HTR3E: variants seen among roughly 807,000 people sequenced by gnomAD.
HTR3E encodes the protein 5-hydroxytryptamine (serotonin) receptor 3, family member E.
Under a neutral mutation model 38.0 loss-of-function variants are expected in HTR3E, and 38 were observed. The observed-to-expected ratio is 1.00, with a 90% confidence interval of 0.77 to 1.31. The LOEUF is 1.31. Ranked by LOEUF, HTR3E falls within the 50% of genes most tolerant of loss-of-function variation. The pLI is 0.00. For synonymous variants in HTR3E, 210 were observed against 232.9 expected (o/e 0.90, Z 0.89); for missense variants, 547 against 585.2 (o/e 0.93, Z 0.67).
At chr3:184,099,583 G>A (rs1392167026) in intron 1 of HTR3E, among the ~76,000 whole-genome samples, 10 of 150,712 alleles carry the variant, frequency 6.6e-5, no homozygotes, top group Admixed American at 2.6e-4. Flanking sequence ...GCGCGGTGGC[G>A]GGCGCCTGTA....
chr3:184,106,946 A>G lies in HTR3E; in HGVS notation c.*253A>G, dbSNP rs1712504132. 1 of 481,424 alleles carries G rather than the reference A, an allele frequency of 2.1e-6. No homozygotes were observed. Among genetic ancestry groups the G allele is most frequent in the African/African-American group, 2.0e-5 (1 of 51,124 alleles). The allele number at this position is 481,424 out of a possible 1,614,324, so 29.8% of individuals were successfully genotyped here. On this transcript the variant is annotated 3_prime_UTR_variant, in exon 9 of 9. Transcript: ENST00000415389. The surrounding 1 kb of genome is among the most constrained non-coding windows in gnomAD (Gnocchi z 4.1). ...CCCTCTTACGTCATCTGCATAGCAG[A>G]CTATACCTCTTCTGTCCGCTGACTT...
Position 184,106,820 on chromosome 3 carries a change from T to C in HTR3E, c.*127T>C, listed in dbSNP as rs1306829274. 2.1e-6 allele frequency: 2 copies of C among 944,554 alleles called. No homozygotes were observed. The highest frequency in any genetic ancestry group is 1.6e-6 in the Non-Finnish European group (1 of 621,430). The allele number at this position is 944,554 out of a possible 1,614,324, so 58.5% of individuals were successfully genotyped here. A position where few individuals can be genotyped will look rare whatever the true frequency, so the allele number is the denominator to read the frequency against. On this transcript the variant is annotated 3_prime_UTR_variant, in exon 9 of 9. Transcript: ENST00000415389. The surrounding 1 kb of genome is among the most constrained non-coding windows in gnomAD (Gnocchi z 4.1). ...ATGACTGAGTCTCTGCTGTATTCCATGTATCCCAATCCGGTCCTGCTGATC... is the reference window on the plus strand; with the variant it reads ...ATGACTGAGTCTCTGCTGTATTCCACGTATCCCAATCCGGTCCTGCTGATC...
chr3:184,097,092 C>T lies in HTR3E; in HGVS notation c.-438C>T, dbSNP rs937263066. The T allele has an allele frequency of 6.5e-6, 1 of 154,224 alleles. No individual in the cohort carries two copies. The highest frequency in any genetic ancestry group is 1.4e-5 in the Non-Finnish European group (1 of 69,522). The allele number at this position is 154,224 out of a possible 1,614,324, so 9.6% of individuals were successfully genotyped here. A position where few individuals can be genotyped will look rare whatever the true frequency, so the allele number is the denominator to read the frequency against. ...AAATAACAAATTGTGTTTATTTAAG[C>T]CACTGGGTTTGTGATTTGTTACAAC... On this transcript the variant is annotated 5_prime_UTR_variant, in exon 1 of 9. Transcript: ENST00000415389.
At chr3:184,103,279 C>T (rs569106472) in intron 3 of HTR3E, among the ~76,000 whole-genome samples, 87 of 151,888 alleles carry the variant, frequency 5.7e-4, no homozygotes, top group African/African-American at 2.1e-3. Flanking sequence ...GTCAGGAGTT[C>T]GAGACCAGCC....
chr3:184,101,492 A>C lies in HTR3E; in HGVS notation c.242A>C (p.Gln81Pro), dbSNP rs765323389. ...AGGAAATTCTTTTGGCAGAATGAAC[A>C]GCTGCACCTCTTGTCATCATTCCTG... is the stretch of plus-strand genomic sequence containing the variant. ...AMSAILDVNE[Q>P]LHLLSSFLWL... The change falls in exon 3 of 9, where the codon CAG becomes CCG. Residue 81 changes from glutamine to proline, a missense_variant. Transcript: ENST00000415389. The C allele has an allele frequency of 8.1e-6, 13 of 1,613,822 alleles. No individual in the cohort carries two copies. The highest frequency in any genetic ancestry group is 1.6e-4 in the Middle Eastern group (1 of 6,084).
chr3:184,100,088 G>C (rs1370790097), intron 1 of HTR3E: 1 of 1,200,158 alleles, frequency 8.3e-7, no homozygotes, highest in African/African-American at 1.6e-5. Flanking sequence ...GAAGAGCCCA[G>C]CGTCTGGACC....
chr3:184,105,200 AAG>A, intron 5 of HTR3E, 65 bp from the exon 6 acceptor site: 1 of 1,492,758 alleles, frequency 6.7e-7, no homozygotes. Flanking sequence ...AGGATGGAAA[AAG>A]AGTGCAGTTG....
intron 1 of HTR3E, chr3:184,100,212 C>A: frequency 7.1e-7 from 1 of 1,401,514 alleles, no homozygotes; most frequent in Non-Finnish European, 9.4e-7. Context: ...TATTGGCTGT[C>A]TGACTGTAGG....
chr3:184,104,432 G>T, intron 4 of HTR3E, 141 bp downstream of exon 4: 2 of 1,333,576 alleles, frequency 1.5e-6, no homozygotes, highest in South Asian at 1.6e-5. Context: ...TGAGCCAGGC[G>T]CAGTGGCTAA....
At chr3:184,105,180 G>A (rs907396865) in intron 5 of HTR3E, 87 bp from the exon 6 acceptor site, 11 of 1,424,066 alleles carry the variant, frequency 7.7e-6, no homozygotes, top group African/African-American at 5.7e-5. Context: ...AAAAATATTT[G>A]TTGAAAGAAA....
At chr3:184,098,054 C>A (rs763960963) in intron 1 of HTR3E, among the ~76,000 whole-genome samples, 49 of 152,320 alleles carry the variant, frequency 3.2e-4, no homozygotes, top group Non-Finnish European at 5.6e-4. Context: ...AAAGTGCCCA[C>A]CTCCTTTAGC....
At position 184,106,044 on chromosome 3, in the gene HTR3E, G is replaced by A; in HGVS notation, c.925+75G>A. The A allele has an allele frequency of 6.2e-7, 1 of 1,609,498 alleles. No individual in the cohort carries two copies. The highest frequency in any genetic ancestry group is 8.5e-7 in the Non-Finnish European group (1 of 1,176,546). On this transcript the variant is annotated intron_variant, in intron 7 of 8. Transcript: ENST00000415389. This position sits in a 1 kb window ranked among gnomAD's most constrained non-coding sequence, Gnocchi z 4.1. ...AAGGGAGGTATTTTGGAAAAAGGAGGCCGTATGCCTGCCAGGGTGGGATTG... is the reference window on the plus strand; with the variant it reads ...AAGGGAGGTATTTTGGAAAAAGGAGACCGTATGCCTGCCAGGGTGGGATTG...
At chr3:184,101,208 A>AT (rs1308864038) in intron 2 of HTR3E, among the ~76,000 whole-genome samples, 7 of 152,050 alleles carry the variant, frequency 4.6e-5, no homozygotes, top group African/African-American at 1.7e-4. Context: ...CCTCCCAGGC[A>AT]TTACAGGCAT....
chr3:184,102,545 G>C (rs1378544581), intron 3 of HTR3E, among the ~76,000 whole-genome samples: 2 of 151,302 alleles, frequency 1.3e-5, no homozygotes, highest in Non-Finnish European at 2.9e-5. Context: ...ATGAGTTAAT[G>C]GGTGCAGCAC....
rs375529353 is a variant in HTR3E at position 184,105,815 on chromosome 3, C to T, written c.771C>T (p.Pro257=). 2 of 1,614,056 alleles carry T rather than the reference C, an allele frequency of 1.2e-6. No homozygotes were observed. Among genetic ancestry groups the T allele is most frequent in the Non-Finnish European group, 1.7e-6 (2 of 1,180,046 alleles). ...PSLYVINLLV[P]SGFLVAIDAL... ...TCTATGTCATAAACCTTCTCGTGCC[C>T]AGTGGCTTTCTGGTTGCCATCGATG... Residue 257 remains proline (P), a synonymous_variant, in exon 7 of 9, where the codon CCC becomes CCT. Transcript: ENST00000415389.
At position 184,100,476 on chromosome 3, in the gene HTR3E, C is replaced by A. The variant is rs147469576; in HGVS notation, c.68-9C>A. 44 of 1,614,176 alleles carry A rather than the reference C, an allele frequency of 2.7e-5. No individual in the cohort carries two copies. The South Asian group carries it at 4.5e-4, about 17-fold the overall frequency. ...CTCCTTCATCTCACACATTCGATGT[C>A]CACTACAGGAAGGGGCGTTACTTTC... On this transcript the variant is annotated splice_polypyrimidine_tract_variant and intron_variant, in intron 1 of 8. Coordinates refer to ENST00000415389, the MANE Select transcript of HTR3E (RefSeq NM_001256613.2).
chr3:184,102,788 G>A (rs1320627505), intron 3 of HTR3E, among the ~76,000 whole-genome samples: 1 of 152,000 alleles, frequency 6.6e-6, no homozygotes, highest in Non-Finnish European at 1.5e-5. Context: ...AGCCAGGCAT[G>A]GTGACATGTG....
chr3:184,098,183 A>G (rs1269430285), intron 1 of HTR3E, among the ~76,000 whole-genome samples: 1 of 152,216 alleles, frequency 6.6e-6, no homozygotes, highest in African/African-American at 2.4e-5. Context: ...AGCATGGTAG[A>G]GAGACAAGAA....
chr3:184,106,190 A>G lies in HTR3E; in HGVS notation c.988A>G (p.Thr330Ala), dbSNP rs1366797814. The G allele has an allele frequency of 3.1e-6, 5 of 1,610,482 alleles. No homozygotes were observed. The East Asian group carries it at 1.1e-4, about 36-fold the overall frequency. The change falls in exon 8 of 9, where the codon ACC becomes GCC. Residue 330 changes from threonine to alanine, a missense_variant. Transcript: ENST00000415389. The surrounding 1 kb of genome is among the most constrained non-coding windows in gnomAD (Gnocchi z 4.1). The part of the protein sequence containing the change: ...VGSLLETIFI[T>A]HLLHVATTQP... ...CAGCCTGCTGGAGACCATCTTCATCACCCACCTGCTGCACGTGGCCACCAC... is the reference window on the plus strand; with the variant it reads ...CAGCCTGCTGGAGACCATCTTCATCGCCCACCTGCTGCACGTGGCCACCAC...
Sources: gnomAD v4.1 joint callset for allele counts (sites outside exome capture counted in the v4.1 genomes callset) on GRCh38, gnomAD v4.1.1 for gene constraint, Gnocchi (gnomAD v3.1) non-coding constraint, MANE v1.5 for transcripts, NCBI Gene and HGNC (gene_info 2026-07-23, HGNC 2026-07-21) for gene names.